The following TFDP2 variants were observed in gnomAD, a reference collection of about 807,000 sequenced individuals.
The protein encoded by TFDP2 is transcription factor Dp-2, also known as transcription factor Dp-2 (E2F dimerization partner 2).
A neutral mutation model predicts 59.3 loss-of-function variants in TFDP2; 17 were observed. That is an observed-to-expected ratio of 0.29 (90% CI 0.20 to 0.43). The LOEUF (loss-of-function observed/expected upper bound fraction) is 0.43, where lower values mean the gene tolerates loss of function less well. Among genes scored for constraint, TFDP2 ranks in the 20% least tolerant of loss-of-function variants. The pLI is 1.00. For synonymous variants in TFDP2, 180 were observed against 194.7 expected (o/e 0.92, Z 0.63); for missense variants, 391 against 528.8 (o/e 0.74, Z 2.56).
At chr3:142,126,607 T>C (rs1350776462) in intron 1 of TFDP2, among the ~76,000 whole-genome samples, 1 of 152,098 alleles carries the variant, frequency 6.6e-6, no homozygotes, top group Non-Finnish European at 1.5e-5. Flanking sequence ...TAAGGTTCTT[T>C]GGTTAAATAT....
At chr3:141,996,784 T>C (rs1576630168) in intron 4 of TFDP2, among the ~76,000 whole-genome samples, 1 of 152,228 alleles carries the variant, frequency 6.6e-6, no homozygotes. Context: ...CTGTTTATGT[T>C]TGACTATGTT....
intron 3 of TFDP2, among the ~76,000 whole-genome samples, chr3:142,051,814 A>G (rs1448387065): frequency 6.6e-6 from 1 of 152,164 alleles, no homozygotes; most frequent in Non-Finnish European, 1.5e-5. Context: ...CTCATTCCAT[A>G]TATAAAAATT....
At chr3:141,995,168 A>G (rs1384427657) in intron 4 of TFDP2, 27 bp from the exon 5 acceptor site, 3 of 1,519,772 alleles carry the variant, frequency 2.0e-6, no homozygotes, top group African/African-American at 1.4e-5. Context: ...AAAGAATATA[A>G]TATTCTTAAT....
chr3:142,034,602 C>T (rs1946597176), intron 3 of TFDP2, among the ~76,000 whole-genome samples: 2 of 152,196 alleles, frequency 1.3e-5, no homozygotes, highest in South Asian at 4.1e-4. Context: ...AGACAATGAG[C>T]TCTGCCTTGA....
chr3:142,108,029 T>C (rs1031929686), intron 1 of TFDP2, among the ~76,000 whole-genome samples: 2 of 152,190 alleles, frequency 1.3e-5, no homozygotes, highest in Non-Finnish European at 2.9e-5. Flanking sequence ...ATTTTTTGAG[T>C]AGGTTGCGTG....
At chr3:141,975,181 G>C (rs1345733516) in intron 7 of TFDP2, among the ~76,000 whole-genome samples, 1 of 151,696 alleles carries the variant, frequency 6.6e-6, no homozygotes, top group Non-Finnish European at 1.5e-5. Flanking sequence ...CAAAGTGCTA[G>C]GATTACAGGT....
At position 142,119,999 on chromosome 3, in the gene TFDP2, G is replaced by A. The variant is rs577710364; in HGVS notation, c.-92-18158C>T. ...CGGCAGGCGGAGGTTGCAGTGAGCC[G>A]AGATTGCACCATTGCACTCCAGCCT... On this transcript the variant is annotated intron_variant, in intron 1 of 12. Transcript: ENST00000489671. 2.6e-4 allele frequency among the ~76,000 whole-genome samples: 39 copies of A among 150,556 alleles called. No individual in the cohort carries two copies. The East Asian group carries it at 6.3e-3, about 24-fold the overall frequency.
intron 7 of TFDP2, among the ~76,000 whole-genome samples, chr3:141,977,800 T>C (rs983664312): frequency 2.0e-5 from 3 of 151,716 alleles, no homozygotes; most frequent in African/African-American, 7.3e-5. Context: ...AACCTCCGCC[T>C]CCCAGGTTCA....
Position 141,993,524 on chromosome 3 carries a change from A to ATC in TFDP2, c.356+13_356+14insGA. On this transcript the variant is annotated intron_variant, in intron 6 of 12. Coordinates refer to ENST00000489671, the MANE Select transcript of TFDP2 (RefSeq NM_001178139.2). ...GCCAAATCTTCCAAACAAAATAGTTAGACTTATACTCACCTTTCTGAAAAA... is the reference window on the plus strand; with the variant it reads ...GCCAAATCTTCCAAACAAAATAGTTATCGACTTATACTCACCTTTCTGAAAAA... 1 of 1,546,536 alleles carries ATC rather than the reference A, an allele frequency of 6.5e-7. No individual in the cohort carries two copies. Among genetic ancestry groups the ATC allele is most frequent in the Non-Finnish European group, 8.8e-7 (1 of 1,137,674 alleles).
At chr3:141,959,617 C>G (rs769184753) in intron 11 of TFDP2, 57 bp downstream of exon 11, 202 of 1,564,728 alleles carry the variant, frequency 1.3e-4, no homozygotes, top group Non-Finnish European at 1.6e-4. Flanking sequence ...AAGGTTTTAA[C>G]AAGTTTGGAT....
intron 11 of TFDP2, among the ~76,000 whole-genome samples, chr3:141,955,179 T>C (rs761508501): frequency 6.6e-6 from 1 of 152,204 alleles, no homozygotes; most frequent in Non-Finnish European, 1.5e-5. Flanking sequence ...TTACAATGAA[T>C]TGGAAAAGCC....
rs750154422 is a variant in TFDP2, at chr3:141,952,581, C to T, written c.1273G>A (p.Glu425Lys). 7 of 1,570,694 alleles carry T rather than the reference C, an allele frequency of 4.5e-6. No homozygotes were observed. The highest frequency in any genetic ancestry group is 1.4e-5 in the African/African-American group (1 of 71,962). The change falls in exon 13 of 13, where the codon GAG becomes AAG. Residue 425 changes from glutamate (E) to lysine (K), a missense_variant. Glu to Lys is a moderately conservative substitution (Grantham distance 56, BLOSUM62 1). Around this residue, in one of 3 missense-constraint regions of TFDP2, gnomAD observed 223 missense variants for 292.5 expected, o/e 0.76. Coordinates refer to ENST00000489671, the MANE Select transcript of TFDP2 (RefSeq NM_001178139.2). ...TCATCATTGAACGAACAGGGGGTCT[C>T]GCCTCGGGACTCGGAGCAGTGAGAG... Reference protein sequence around the residue: ...AASHCSESRGETPCSFNDEDE... With the variant: ...AASHCSESRGKTPCSFNDEDE...
At chr3:142,057,411 G>C (rs758753655) in intron 3 of TFDP2, among the ~76,000 whole-genome samples, 2 of 152,150 alleles carry the variant, frequency 1.3e-5, no homozygotes, top group Non-Finnish European at 2.9e-5. Flanking sequence ...GATTAGCTCT[G>C]GTTCTTAGCT....
At chr3:142,112,198 A>G (rs2061688599) in intron 1 of TFDP2, among the ~76,000 whole-genome samples, 2 of 152,356 alleles carry the variant, frequency 1.3e-5, no homozygotes, top group African/African-American at 4.8e-5. Context: ...CTAATTCTTT[A>G]AAAACCAGTA....
intron 3 of TFDP2, among the ~76,000 whole-genome samples, chr3:142,035,047 C>G (rs975370921): frequency 2.2e-4 from 33 of 152,174 alleles, no homozygotes; most frequent in Non-Finnish European, 3.7e-4. Flanking sequence ...TCTGTTTCCA[C>G]CCCAAAACTT....
Position 142,101,758 on chromosome 3 carries a change from G to T in TFDP2, c.-9C>A. 7.5e-7 allele frequency: 1 copy of T among 1,333,154 alleles called. No individual in the cohort carries two copies. Among genetic ancestry groups the T allele is most frequent in the Non-Finnish European group, 9.9e-7 (1 of 1,007,862 alleles). The allele number at this position is 1,333,154 out of a possible 1,614,324, so 82.6% of individuals were successfully genotyped here. A position where few individuals can be genotyped will look rare whatever the true frequency, so the allele number is the denominator to read the frequency against. ...ACATTTTTTGCCGTCATGTCAAACT[G>T]TATTCTATTTAAGATTCTGTAAAGC... On this transcript the variant is annotated 5_prime_UTR_variant, in exon 2 of 13. Coordinates refer to ENST00000489671, the MANE Select transcript of TFDP2 (RefSeq NM_001178139.2).
At chr3:142,015,053 C>T (rs1001671436) in intron 3 of TFDP2, among the ~76,000 whole-genome samples, 1 of 152,192 alleles carries the variant, frequency 6.6e-6, no homozygotes, top group Non-Finnish European at 1.5e-5. Context: ...ATCACACCTT[C>T]TTTAGAAACA....
At chr3:142,041,989 A>G (rs9880805) in intron 3 of TFDP2, among the ~76,000 whole-genome samples, 131,346 of 152,156 alleles carry the variant, frequency 0.86, 57,053 homozygotes, top group African/African-American at 0.97. Flanking sequence ...CCATTTCTGC[A>G]CTCTTTATTC....
In TFDP2 at chr3:141,975,526, C is replaced by T. The variant is rs1195339905; in HGVS notation, c.520-1335G>A. Among the ~76,000 whole-genome samples the T allele has an allele frequency of 2.0e-5, 3 of 151,856 alleles. No individual in the cohort carries two copies. In the East Asian group the frequency reaches 5.8e-4, roughly 30 times the overall value. Reference sequence around the variant, plus strand: ...TGGCCAACATGGCAAAACCCCATCTCTACTAAAAAATACAAAACTTAACTG... The same window carrying T: ...TGGCCAACATGGCAAAACCCCATCTTTACTAAAAAATACAAAACTTAACTG... On this transcript the variant is annotated intron_variant, in intron 7 of 12. Transcript: ENST00000489671.
Sources: allele counts gnomAD v4.1 joint callset (sites outside exome capture counted in the v4.1 genomes callset), GRCh38; gene constraint gnomAD v4.1.1; regional missense constraint gnomAD v4.1.1; transcripts MANE v1.5; gene names NCBI Gene and HGNC (gene_info 2026-07-23, HGNC 2026-07-21).